ELOVL5: variants seen among roughly 807,000 people sequenced by gnomAD.
ELOVL5 encodes ELOVL fatty acid elongase 5, also known as very long chain fatty acid elongase 5.
In ELOVL5, 8 loss-of-function variants were observed where a neutral mutation model predicts 38.6. The ratio of observed to expected loss-of-function variants is 0.21; its 90% CI spans 0.12 to 0.37. The LOEUF is 0.37. Among genes scored for constraint, ELOVL5 ranks in the 10% least tolerant of loss-of-function variants. ELOVL5 has a pLI of 1.00. For synonymous variants in ELOVL5, 127 were observed against 133.7 expected (o/e 0.95, Z 0.34); for missense variants, 280 against 367.8 (o/e 0.76, Z 1.95).
At chr6:53,299,888 C>G (rs921713962) in intron 1 of ELOVL5, among the ~76,000 whole-genome samples, 1 of 152,154 alleles carries the variant, frequency 6.6e-6, no homozygotes, top group African/African-American at 2.4e-5. Flanking sequence ...GAACTTTTCA[C>G]AATCAAACTT....
chr6:53,293,876 G>A (rs1280346689), intron 2 of ELOVL5, among the ~76,000 whole-genome samples: 1 of 152,156 alleles, frequency 6.6e-6, no homozygotes, highest in Non-Finnish European at 1.5e-5. Flanking sequence ...GGGTGTTACT[G>A]TCAGTCCGGC....
chr6:53,273,071 C>A, intron 6 of ELOVL5, 149 bp downstream of exon 6: 1 of 825,742 alleles, frequency 1.2e-6, no homozygotes, highest in Non-Finnish European at 1.9e-6. Context: ...AGAAAATTCC[C>A]TAATCTACCC....
chr6:53,337,339 G>A (rs1350113662), intron 1 of ELOVL5: 2 of 152,220 alleles, frequency 1.3e-5, no homozygotes, highest in African/African-American at 4.8e-5. Context: ...GATCTGCACA[G>A]ACTGCAGCCA....
At chr6:53,329,927 C>A (rs995999773) in intron 1 of ELOVL5, among the ~76,000 whole-genome samples, 1 of 152,164 alleles carries the variant, frequency 6.6e-6, no homozygotes, top group Non-Finnish European at 1.5e-5. Flanking sequence ...CTCTTCTGTA[C>A]GATTTTATTT....
rs573034968 is a variant in ELOVL5 at position 53,331,344 on chromosome 6, A to T, written c.-9+17473T>A. Among the ~76,000 whole-genome samples, 6 of 152,314 alleles carry T rather than the reference A, an allele frequency of 3.9e-5. No individual in the cohort carries two copies. The East Asian group carries it at 5.8e-4, about 15-fold the overall frequency. ...CCATTTCCAAAATAAATAAATAAAA[A>T]TTTTTTAAATGATAAAAAGTACAGT... On this transcript the variant is annotated intron_variant, in intron 1 of 7. Transcript: ENST00000304434.
chr6:53,346,178 T>G (rs903252040), intron 1 of ELOVL5, among the ~76,000 whole-genome samples: 33 of 152,316 alleles, frequency 2.2e-4, no homozygotes, highest in African/African-American at 6.3e-4. Context: ...TTTCTGTTCC[T>G]GTGTTAGTCT....
intron 1 of ELOVL5, among the ~76,000 whole-genome samples, chr6:53,318,973 C>CAA (rs1473739445): frequency 1.3e-5 from 2 of 151,998 alleles, no homozygotes; most frequent in Non-Finnish European, 2.9e-5. Flanking sequence ...TGTGGACACT[C>CAA]AATTTTCATT....
At chr6:53,300,049 G>C (rs1019690730) in intron 1 of ELOVL5, among the ~76,000 whole-genome samples, 3 of 152,126 alleles carry the variant, frequency 2.0e-5, no homozygotes, top group Admixed American at 2.0e-4. Flanking sequence ...GTAGGCCCTG[G>C]ACAACAGGCC....
chr6:53,286,838 G>A (rs185994651), intron 3 of ELOVL5, among the ~76,000 whole-genome samples: 324 of 152,142 alleles, frequency 2.1e-3, no homozygotes, highest in Admixed American at 6.2e-3. Flanking sequence ...ATCTTAGAAC[G>A]TACTATGTGT....
intron 3 of ELOVL5, chr6:53,290,136 A>G (rs6458914): frequency 6.6e-6 from 1 of 152,202 alleles, no homozygotes; most frequent in Admixed American, 6.5e-5. Context: ...ATCCACTCAG[A>G]TGCACACAGC....
intron 6 of ELOVL5, among the ~76,000 whole-genome samples, chr6:53,272,662 G>A (rs1426559127): frequency 6.6e-6 from 1 of 152,172 alleles, no homozygotes; most frequent in East Asian, 1.9e-4. Context: ...GAAGTATCAG[G>A]TGAAGTGGCC....
intron 2 of ELOVL5, chr6:53,294,261 C>T (rs1561871812): frequency 6.5e-7 from 1 of 1,547,246 alleles, no homozygotes; most frequent in East Asian, 2.4e-5. Context: ...TGTGGTGGTC[C>T]TAACCCCCTC....
intron 2 of ELOVL5, chr6:53,294,636 TG>T: frequency 8.0e-7 from 1 of 1,257,656 alleles, no homozygotes; most frequent in Non-Finnish European, 1.1e-6. Context: ...TTGGATTTTT[TG>T]TCCCTTACAG....
At chr6:53,320,429 T>C (rs1477688634) in intron 1 of ELOVL5, among the ~76,000 whole-genome samples, 1 of 151,958 alleles carries the variant, frequency 6.6e-6, no homozygotes, top group Non-Finnish European at 1.5e-5. Flanking sequence ...CTCCTCCCCC[T>C]GGGTTCATGC....
chr6:53,287,880 C>A lies in ELOVL5; in HGVS notation c.246+3896G>T. 5 of 1,535,742 alleles carry A rather than the reference C, an allele frequency of 3.3e-6. No homozygotes were observed. In the South Asian group the frequency reaches 5.9e-5, roughly 18 times the overall value. On this transcript the variant is annotated intron_variant, in intron 3 of 7. Coordinates refer to ENST00000304434, the MANE Select transcript of ELOVL5 (RefSeq NM_021814.5). ...CACTGACCCTGTTTTCTGGCAGCTG[C>A]TGCTGAGTCGAAGGATCAGTTCGTG...
At chr6:53,303,707 A>G (rs534787293) in intron 1 of ELOVL5, among the ~76,000 whole-genome samples, 1 of 152,350 alleles carries the variant, frequency 6.6e-6, no homozygotes, top group South Asian at 2.1e-4. Context: ...ATGTTGCAAC[A>G]ATCAAATTGT....
chr6:53,279,352 T>A (rs930559748), intron 3 of ELOVL5, among the ~76,000 whole-genome samples: 2 of 152,238 alleles, frequency 1.3e-5, no homozygotes, highest in Non-Finnish European at 2.9e-5. Flanking sequence ...AATTCTATTT[T>A]CTTCATGATT....
At chr6:53,318,562 C>T (rs777710178) in intron 1 of ELOVL5, among the ~76,000 whole-genome samples, 21 of 151,840 alleles carry the variant, frequency 1.4e-4, no homozygotes, top group South Asian at 4.2e-4. Flanking sequence ...GGTGAGACCC[C>T]GCCCCATCTC....
intron 1 of ELOVL5, among the ~76,000 whole-genome samples, chr6:53,322,373 G>A (rs1007512378): frequency 8.5e-5 from 13 of 152,146 alleles, no homozygotes; most frequent in African/African-American, 3.1e-4. Context: ...TTGCTAATCA[G>A]TAGCTGAGTC....
Sources: allele counts gnomAD v4.1 joint callset (sites outside exome capture counted in the v4.1 genomes callset), GRCh38; gene constraint gnomAD v4.1.1; transcripts MANE v1.5; gene names NCBI Gene and HGNC (gene_info 2026-07-23, HGNC 2026-07-21).